The following TMPRSS11A variants were observed in gnomAD, a reference collection of about 807,000 sequenced individuals.
TMPRSS11A encodes transmembrane serine protease 11A, also known as transmembrane protease serine 11A.
In TMPRSS11A, 53 loss-of-function variants were observed where a neutral mutation model predicts 58.9. The ratio of observed to expected loss-of-function variants is 0.90; its 90% CI spans 0.72 to 1.13. The LOEUF (loss-of-function observed/expected upper bound fraction) is 1.13. Among genes scored for constraint, TMPRSS11A ranks in the 50% most tolerant of loss-of-function variants. The pLI is 0.00. For missense variants in TMPRSS11A, 493 were observed against 499.3 expected (o/e 0.99, Z 0.12); for synonymous variants, 167 against 169.8 (o/e 0.98, Z 0.13).
At chr4:67,954,967 T>C (rs752629854) in intron 1 of TMPRSS11A, among the ~76,000 whole-genome samples, 16 of 152,244 alleles carry the variant, frequency 1.1e-4, no homozygotes, top group Non-Finnish European at 2.1e-4. Flanking sequence ...GTTATCATTC[T>C]TTTTATTGTT....
chr4:67,922,883 T>A lies in TMPRSS11A; in HGVS notation c.564A>T (p.Ala188=). The A allele has an allele frequency of 1.4e-5, 23 of 1,614,180 alleles. No homozygotes were observed. The highest frequency in any genetic ancestry group is 1.9e-5 in the Non-Finnish European group (23 of 1,180,016). Residue 188 remains alanine, a synonymous_variant, in exon 7 of 10, where the codon GCA becomes GCT. Transcript: ENST00000508048. ...CCGCCTTGGGTGCAATGACTCCAGA[T>A]GCTATTCTGTTGACGTTTAATGGAA... The part of the protein sequence containing the change: ...RVVPLNVNRI[A]SGVIAPKAAW...
chr4:67,930,122 G>C, intron 4 of TMPRSS11A, 82 bp from the exon 5 acceptor site: 3 of 1,305,962 alleles, frequency 2.3e-6, no homozygotes, highest in Non-Finnish European at 3.2e-6. Context: ...TTCCTCCCCT[G>C]AATGATCCCT....
At chr4:67,962,019 C>G (rs187172687) in intron 1 of TMPRSS11A, among the ~76,000 whole-genome samples, 118 of 152,140 alleles carry the variant, frequency 7.8e-4, no homozygotes, top group African/African-American at 2.8e-3. Flanking sequence ...AACTGGAAAT[C>G]CTGTTTTACA....
chr4:67,945,200 C>T (rs2109761733), intron 2 of TMPRSS11A, among the ~76,000 whole-genome samples: 1 of 152,186 alleles, frequency 6.6e-6, no homozygotes, highest in South Asian at 2.1e-4. Flanking sequence ...GAGCATGAAA[C>T]AGGGATAAAT....
In TMPRSS11A at chr4:67,946,873, C is replaced by T. The variant is rs373285102; in HGVS notation, c.12-302G>A. Among the ~76,000 whole-genome samples the T allele has an allele frequency of 5.3e-4, 81 of 152,180 alleles. 1 individual carries two copies. The highest frequency in any genetic ancestry group is 1.6e-3 in the African/African-American group (66 of 41,528). ...CATACATGCTTGAAAAGGGACCATT[C>T]CTCCTTTCTCCAGCACTTTGTTATC... On this transcript the variant is annotated intron_variant, in intron 1 of 9. Coordinates refer to ENST00000508048, the MANE Select transcript of TMPRSS11A (RefSeq NM_001114387.2).
intron 1 of TMPRSS11A, among the ~76,000 whole-genome samples, chr4:67,959,481 T>C (rs1291325127): frequency 6.6e-6 from 1 of 152,112 alleles, no homozygotes; most frequent in African/African-American, 2.4e-5. Flanking sequence ...CTAGAATGCA[T>C]GAAAAACTTA....
At chr4:67,950,528 A>G (rs1721131039) in intron 1 of TMPRSS11A, among the ~76,000 whole-genome samples, 1 of 152,192 alleles carries the variant, frequency 6.6e-6, no homozygotes, top group African/African-American at 2.4e-5. Flanking sequence ...ACTTTATTAC[A>G]TCTGCAAAAT....
At chr4:67,918,800 G>T (rs353165) in intron 8 of TMPRSS11A, among the ~76,000 whole-genome samples, 173 bp downstream of exon 8, 11,502 of 152,116 alleles carry the variant, frequency 0.076, 486 homozygotes, top group East Asian at 0.14. Context: ...TTGTTTCTTT[G>T]TTTTTTATTC....
At chr4:67,955,108 T>C (rs1235208585) in intron 1 of TMPRSS11A, among the ~76,000 whole-genome samples, 1 of 152,102 alleles carries the variant, frequency 6.6e-6, no homozygotes, top group Non-Finnish European at 1.5e-5. Flanking sequence ...AGTTGCCCCA[T>C]AGGAGGGAGT....
chr4:67,939,502 G>A (rs1720829818), intron 3 of TMPRSS11A, among the ~76,000 whole-genome samples: 1 of 152,066 alleles, frequency 6.6e-6, no homozygotes, highest in Non-Finnish European at 1.5e-5. Context: ...CTGTTCTTAA[G>A]GATAGTGCCT....
chr4:67,919,806 C>T (rs1228573421), intron 7 of TMPRSS11A, among the ~76,000 whole-genome samples: 1 of 152,062 alleles, frequency 6.6e-6, no homozygotes, highest in Admixed American at 6.5e-5. Flanking sequence ...AGGCAAAAAT[C>T]CCAAGGTCTT....
At chr4:67,944,390 G>T in intron 3 of TMPRSS11A, 129 bp downstream of exon 3, 1 of 1,077,472 alleles carries the variant, frequency 9.3e-7, no homozygotes, top group Non-Finnish European at 1.4e-6. Flanking sequence ...CTGGGATGGG[G>T]CCTAGCAATC....
chr4:67,963,328 G>A, intron 1 of TMPRSS11A, 55 bp downstream of exon 1: 1 of 1,598,632 alleles, frequency 6.3e-7, no homozygotes, highest in South Asian at 1.1e-5. Context: ...CAGGAATCCG[G>A]CCACTGACAG....
chr4:67,918,457 G>C (rs1350605052), intron 8 of TMPRSS11A, among the ~76,000 whole-genome samples: 1 of 152,160 alleles, frequency 6.6e-6, no homozygotes, highest in Non-Finnish European at 1.5e-5. Flanking sequence ...TAGGCATAAA[G>C]AATATTTGAG....
intron 5 of TMPRSS11A, among the ~76,000 whole-genome samples, chr4:67,927,387 T>A (rs555325271): frequency 8.9e-4 from 136 of 152,306 alleles, no homozygotes; most frequent in African/African-American, 3.1e-3. Flanking sequence ...CCAGGGAAGC[T>A]GCTTGCAGTG....
At chr4:67,944,361 A>G (rs574825972) in intron 3 of TMPRSS11A, 158 bp downstream of exon 3, 2 of 746,956 alleles carry the variant, frequency 2.7e-6, no homozygotes, top group South Asian at 4.1e-5. Context: ...CCATCTCATC[A>G]TACTCTGATT....
intron 3 of TMPRSS11A, among the ~76,000 whole-genome samples, chr4:67,934,118 T>C (rs1450594496): frequency 6.6e-6 from 1 of 152,174 alleles, no homozygotes; most frequent in Non-Finnish European, 1.5e-5. Context: ...AGGATCCTTC[T>C]TTATAAAATT....
At chr4:67,949,175 G>GATAA (rs1248227374) in intron 1 of TMPRSS11A, among the ~76,000 whole-genome samples, 3 of 152,052 alleles carry the variant, frequency 2.0e-5, no homozygotes, top group Non-Finnish European at 2.9e-5. Context: ...CTCTGAGTAA[G>GATAA]ATAAATGGAG....
chr4:67,914,927 A>T (rs979739538), intron 8 of TMPRSS11A, among the ~76,000 whole-genome samples, 197 bp from the exon 9 acceptor site: 1 of 152,202 alleles, frequency 6.6e-6, no homozygotes, highest in Admixed American at 6.5e-5. Context: ...TCACATTTTT[A>T]TAAAAACTTC....
Sources: allele counts gnomAD v4.1 joint callset (sites outside exome capture counted in the v4.1 genomes callset), GRCh38; gene constraint gnomAD v4.1.1; transcripts MANE v1.5; gene names NCBI Gene and HGNC (gene_info 2026-07-23, HGNC 2026-07-21).